Variants in POLA2 observed in about 807,000 individuals in gnomAD.
The protein encoded by POLA2 is DNA polymerase alpha subunit B.
Under a neutral mutation model 82.8 loss-of-function variants are expected in POLA2, and 47 were observed. The observed-to-expected ratio is 0.57, with a 90% CI of 0.45 to 0.72. The LOEUF is 0.72. Ranked by LOEUF, POLA2 falls within the 30% of genes least tolerant of loss-of-function variation. POLA2 has a pLI of 0.00. For missense variants in POLA2, 634 were observed against 728.1 expected (o/e 0.87, Z 1.49); for synonymous variants, 287 against 286.8 (o/e 1.00, Z -0.01).
chr11:65,270,067 G>A (rs1275573323), intron 4 of POLA2, among the ~76,000 whole-genome samples: 2 of 152,172 alleles, frequency 1.3e-5, no homozygotes, highest in African/African-American at 4.8e-5. Flanking sequence ...CCTCACCTGC[G>A]GTGATCCACC....
At chr11:65,273,338 A>C (rs557410293) in intron 4 of POLA2, among the ~76,000 whole-genome samples, 24 of 152,172 alleles carry the variant, frequency 1.6e-4, no homozygotes, top group Admixed American at 1.4e-3. Context: ...ACAACAACAA[A>C]AAAACATGAT....
downstream of POLA2, chr11:65,305,632 C>G (rs1308340117): frequency 1.2e-5 from 4 of 344,870 alleles, no homozygotes; most frequent in African/African-American, 8.7e-5. Context: ...TATGATGACA[C>G]CATTGTACAT....
At chr11:65,304,879 G>A (rs1279048892) in intron 8 of POLA2, among the ~76,000 whole-genome samples, 2 of 152,302 alleles carry the variant, frequency 1.3e-5, no homozygotes, top group Non-Finnish European at 2.9e-5. Flanking sequence ...AACAGGGCAC[G>A]TGGCAGTCAG....
chr11:65,289,923 G>C, intron 13 of POLA2, 51 bp downstream of exon 13: 1 of 1,225,246 alleles, frequency 8.2e-7, no homozygotes, highest in Non-Finnish European at 1.2e-6. Context: ...GGTTTCTCCA[G>C]AGCTTCCCAT....
rs75946062 is a variant in POLA2, at chr11:65,288,501, G to T, written c.1132-549G>T. ...AACCCAGTGTGCATTTTTATTGTTC[G>T]TTTGTTTTTTGTTTTTTTTTTTTTT... On this transcript the variant is annotated intron_variant, in intron 11 of 17. Coordinates refer to ENST00000265465, the MANE Select transcript of POLA2 (RefSeq NM_002689.4). 5.6e-3 allele frequency among the ~76,000 whole-genome samples: 732 copies of T among 131,758 alleles called. 44 individuals carry two copies. The East Asian group carries it at 0.13, about 24-fold the overall frequency. 86.4% of individuals were successfully genotyped at this position (131,758 alleles called of 152,430 possible). A position where few individuals can be genotyped will look rare whatever the true frequency, so the allele number is the denominator to read the frequency against.
chr11:65,282,619 C>A, intron 10 of POLA2, 98 bp downstream of exon 10: 1 of 1,034,808 alleles, frequency 9.7e-7, no homozygotes, highest in Non-Finnish European at 1.5e-6. Context: ...GCAGAAGCTG[C>A]TGAAGAGCAA....
chr11:65,286,341 G>A (rs1410142330), intron 10 of POLA2, among the ~76,000 whole-genome samples: 1 of 152,050 alleles, frequency 6.6e-6, no homozygotes, highest in African/African-American at 2.4e-5. Context: ...ACTCAGCCCT[G>A]CCCACACCTT....
intron 10 of POLA2, among the ~76,000 whole-genome samples, chr11:65,283,253 A>C (rs1375653183): frequency 6.6e-6 from 1 of 152,202 alleles, no homozygotes; most frequent in Admixed American, 6.5e-5. Context: ...CCAGGAATTT[A>C]CTTTTTTATT....
intron 16 of POLA2, 84 bp downstream of exon 16, chr11:65,295,683 C>T (rs1057189186): frequency 5.9e-6 from 8 of 1,348,526 alleles, no homozygotes; most frequent in Non-Finnish European, 8.5e-6. Context: ...TAAGAGCCTT[C>T]ACCAGGCTAC....
At chr11:65,295,104 A>G (rs1264960418) in intron 15 of POLA2, among the ~76,000 whole-genome samples, 1 of 152,180 alleles carries the variant, frequency 6.6e-6, no homozygotes, top group African/African-American at 2.4e-5. Flanking sequence ...GTTGAGTTGA[A>G]GTTGGGCAGC....
chr11:65,264,734 T>C (rs185488535), intron 1 of POLA2, among the ~76,000 whole-genome samples: 2 of 152,306 alleles, frequency 1.3e-5, no homozygotes, highest in Admixed American at 1.3e-4. Context: ...AAAATCCAAG[T>C]CCTCCACTTG....
In POLA2 at chr11:65,269,498, A is replaced by C. The variant is rs189067034; in HGVS notation, c.354+769A>C. Among the ~76,000 whole-genome samples the C allele has an allele frequency of 8.3e-3, 1,257 of 152,024 alleles. 6 individuals are homozygous for C. The highest frequency in any genetic ancestry group is 0.023 in the East Asian group (121 of 5,164). On this transcript the variant is annotated intron_variant, in intron 4 of 17. Coordinates refer to ENST00000265465, the MANE Select transcript of POLA2 (RefSeq NM_002689.4). ...CGAGACTCCGTCTCAAAAAAAAAAA[A>C]AAAAACAACAACAACAACTATGTAC...
At chr11:65,296,038 T>C (rs1949807758) in intron 17 of POLA2, 48 bp downstream of exon 17, 10 of 1,612,094 alleles carry the variant, frequency 6.2e-6, no homozygotes, top group South Asian at 1.1e-5. Context: ...ACCCAGTCTT[T>C]GACTTTCCCT....
chr11:65,289,412 T>C (rs1187991713), intron 12 of POLA2, among the ~76,000 whole-genome samples: 2 of 152,236 alleles, frequency 1.3e-5, no homozygotes, highest in East Asian at 1.9e-4. Context: ...TGAAAGAACC[T>C]GTCCTGGCCA....
chr11:65,283,657 A>G (rs1949664574), intron 10 of POLA2, among the ~76,000 whole-genome samples: 1 of 151,732 alleles, frequency 6.6e-6, no homozygotes, highest in African/African-American at 2.4e-5. Context: ...ACAAAACCCC[A>G]TAGTGATGGG....
In POLA2 at chr11:65,280,982, C is replaced by A. The variant is rs755570623; in HGVS notation, c.745-10C>A. The A allele has an allele frequency of 1.2e-6, 2 of 1,613,070 alleles. No homozygotes were observed. The highest frequency in any genetic ancestry group is 2.2e-5 in the South Asian group (2 of 91,002). On this transcript the variant is annotated splice_polypyrimidine_tract_variant and intron_variant, in intron 7 of 17. Transcript: ENST00000265465. Reference sequence around the variant, plus strand: ...ACTGTCATTCTTATGCTGTGACCTTCCTTTGGTAGGAGCCTGTCACTCTGC... The same window carrying A: ...ACTGTCATTCTTATGCTGTGACCTTACTTTGGTAGGAGCCTGTCACTCTGC...
chr11:65,302,571 C>T (rs1210572651), downstream of POLA2, among the ~76,000 whole-genome samples: 1 of 152,148 alleles, frequency 6.6e-6, no homozygotes, highest in Non-Finnish European at 1.5e-5. Context: ...CTTGAAGGTC[C>T]ACTTTCCTCC....
In POLA2 at chr11:65,295,520, T is replaced by A. The variant is rs1949800480; in HGVS notation, c.1461-20T>A. ...GCTGAAAAACAGAGTTCTGTTTTCA[T>A]GCTTTCTTTTCTTTCCCAGTTCTTC... On this transcript the variant is annotated intron_variant, in intron 15 of 17. Transcript: ENST00000265465. 1.2e-6 allele frequency: 2 copies of A among 1,608,014 alleles called. No homozygotes were observed. Among genetic ancestry groups the A allele is most frequent in the Non-Finnish European group, 1.7e-6 (2 of 1,174,570 alleles).
intron 3 of POLA2, 25 bp from the exon 4 acceptor site, chr11:65,268,647 T>A (rs752264885): frequency 6.5e-7 from 1 of 1,535,644 alleles, no homozygotes; most frequent in East Asian, 2.3e-5. Context: ...CAGCCATTAT[T>A]GTTTTTCTTA....
Sources: allele counts gnomAD v4.1 joint callset (sites outside exome capture counted in the v4.1 genomes callset), GRCh38; gene constraint gnomAD v4.1.1; transcripts MANE v1.5; gene names NCBI Gene and HGNC (gene_info 2026-07-23, HGNC 2026-07-21).